The following MYO3B variants were observed in gnomAD, a reference collection of about 807,000 sequenced individuals.
MYO3B encodes the protein myosin-IIIb.
Under a neutral mutation model 174.6 loss-of-function variants are expected in MYO3B, and 156 were observed. The ratio of observed to expected loss-of-function variants is 0.89; its 90% CI spans 0.78 to 1.02. The LOEUF (loss-of-function observed/expected upper bound fraction) is 1.02. Ranked by LOEUF, MYO3B falls within the 50% of genes least tolerant of loss-of-function variation. MYO3B has a pLI of 0.00. For missense variants in MYO3B, 1,632 were observed against 1,639.4 expected, an observed-to-expected ratio of 1.00 and a Z score of 0.08; for synonymous variants, 563 against 569.1, an observed-to-expected ratio of 0.99 and a Z score of 0.15.
At chr2:170,475,068 C>T (rs1685236206) in intron 25 of MYO3B, among the ~76,000 whole-genome samples, 1 of 152,170 alleles carries the variant, frequency 6.6e-6, no homozygotes, top group African/African-American at 2.4e-5. Flanking sequence ...TCCAGCTCCA[C>T]TTCACTAAGG....
chr2:170,249,581 CA>C (rs963591954), intron 7 of MYO3B, among the ~76,000 whole-genome samples: 10 of 152,032 alleles, frequency 6.6e-5, no homozygotes, highest in Non-Finnish European at 1.3e-4. Flanking sequence ...TATTTCAAAT[CA>C]AAAAACAAGA....
At chr2:170,478,860 C>A (rs1685486865) in intron 25 of MYO3B, among the ~76,000 whole-genome samples, 1 of 138,378 alleles carries the variant, frequency 7.2e-6, no homozygotes, top group African/African-American at 2.7e-5. Flanking sequence ...ATGTAAGCCA[C>A]CATGCCTGGC....
chr2:170,214,431 G>T lies in MYO3B; in HGVS notation c.374G>T (p.Gly125Val). 1 of 1,614,206 alleles carries T rather than the reference G, an allele frequency of 6.2e-7. No homozygotes were observed. The highest frequency in any genetic ancestry group is 8.5e-7 in the Non-Finnish European group (1 of 1,180,018). ...CTTGTCAAAGGTCTACTCAGATGTG[G>T]CCAGCGGTTGGATGAAGCAATGATC... Reference protein sequence around the residue: ...TELVKGLLRCGQRLDEAMISY... With the variant: ...TELVKGLLRCVQRLDEAMISY... Residue 125 changes from glycine to valine, a missense_variant, in exon 4 of 35, where the codon GGC becomes GTC. Transcript: ENST00000408978.
intron 7 of MYO3B, among the ~76,000 whole-genome samples, chr2:170,241,660 T>C (rs1310223960): frequency 6.7e-6 from 1 of 148,454 alleles, no homozygotes; most frequent in Non-Finnish European, 1.5e-5. Flanking sequence ...AGGGTCTGGA[T>C]CCTTGTGGAC....
At chr2:170,549,464 CA>C (rs1429831737) in intron 32 of MYO3B, among the ~76,000 whole-genome samples, 1 of 152,148 alleles carries the variant, frequency 6.6e-6, no homozygotes, top group Admixed American at 6.5e-5. Flanking sequence ...AGCTCCTGAG[CA>C]AATCACACCA....
intron 28 of MYO3B, among the ~76,000 whole-genome samples, chr2:170,509,401 A>T (rs1205190402): frequency 6.6e-6 from 1 of 152,198 alleles, no homozygotes; most frequent in Non-Finnish European, 1.5e-5. Flanking sequence ...AGATGAAACA[A>T]TTTCTTTCAT....
chr2:170,360,126 C>T (rs904907462), intron 8 of MYO3B, among the ~76,000 whole-genome samples: 5 of 152,144 alleles, frequency 3.3e-5, no homozygotes, highest in Non-Finnish European at 5.9e-5. Flanking sequence ...TGATCATGCA[C>T]TGTGGAACAG....
intron 32 of MYO3B, among the ~76,000 whole-genome samples, chr2:170,583,444 G>A (rs150768284): frequency 6.6e-6 from 1 of 152,276 alleles, no homozygotes; most frequent in African/African-American, 2.4e-5. Context: ...GACAGGTCAA[G>A]GCTACGAGCT....
intron 29 of MYO3B, among the ~76,000 whole-genome samples, chr2:170,515,492 T>A (rs1485345600): frequency 6.6e-6 from 1 of 152,142 alleles, no homozygotes; most frequent in Admixed American, 6.5e-5. Context: ...GGACAAGAAG[T>A]GGAAACGTGG....
At chr2:170,377,240 A>T in intron 9 of MYO3B, among the ~76,000 whole-genome samples, 1 of 152,218 alleles carries the variant, frequency 6.6e-6, no homozygotes, top group East Asian at 1.9e-4. Flanking sequence ...ATTAAACTAG[A>T]GTGAAAGCTG....
intron 23 of MYO3B, among the ~76,000 whole-genome samples, chr2:170,448,286 A>T (rs1443803933): frequency 2.0e-5 from 3 of 152,242 alleles, no homozygotes; most frequent in African/African-American, 7.2e-5. Context: ...GTTAGAAGGA[A>T]GATGGAGTCA....
intron 8 of MYO3B, 26 bp from the exon 9 acceptor site, chr2:170,369,196 G>A (rs368705149): frequency 8.2e-5 from 131 of 1,606,478 alleles, no homozygotes; most frequent in Middle Eastern, 3.3e-4. Context: ...TTGTACTTTG[G>A]ATTGTTTGTT....
In MYO3B at chr2:170,498,594, A is replaced by G; in HGVS notation, c.3017A>G (p.Tyr1006Cys). 1.2e-6 allele frequency: 2 copies of G among 1,610,376 alleles called. No individual in the cohort carries two copies. The highest frequency in any genetic ancestry group is 1.7e-6 in the Non-Finnish European group (2 of 1,176,736). The part of the protein sequence containing the change: ...RILFEEFVKR[Y>C]YYLAFTAHQT... ...CACTTAATTCTTTTATTTTGCAGGT[A>G]TTATTACTTGGCATTCACAGCACAT... Residue 1006 changes from tyrosine (Y) to cysteine (C), a missense_variant and splice_region_variant, in exon 26 of 35, where the codon TAT becomes TGT. By Grantham distance (194) the Tyr-to-Cys change is radical (BLOSUM62 -2). Transcript: ENST00000408978.
At chr2:170,234,178 AAAAAAAAAACAAAACAAAAC>A (rs1157449946) in intron 6 of MYO3B, among the ~76,000 whole-genome samples, 6 of 71,472 alleles carry the variant, frequency 8.4e-5, no homozygotes, top group Admixed American at 7.0e-4. Flanking sequence ...CTCAAAAAAA[AAAAAAAAAACAAAACAAAAC>A]AAAAAAAAAA....
intron 17 of MYO3B, among the ~76,000 whole-genome samples, chr2:170,400,891 C>A (rs140158644): frequency 6.6e-6 from 1 of 151,024 alleles, no homozygotes; most frequent in African/African-American, 2.4e-5. Context: ...AGTGCAGTGG[C>A]GCTATCTCGG....
At chr2:170,425,495 TA>T (rs747651581) in intron 22 of MYO3B, among the ~76,000 whole-genome samples, 6 of 152,214 alleles carry the variant, frequency 3.9e-5, no homozygotes, top group Non-Finnish European at 7.3e-5. Context: ...AGTTTGAATT[TA>T]GTAGAGTGGT....
chr2:170,457,397 C>T (rs1010492511), intron 23 of MYO3B, among the ~76,000 whole-genome samples: 1 of 151,908 alleles, frequency 6.6e-6, no homozygotes, highest in Non-Finnish European at 1.5e-5. Context: ...TAACACTTAG[C>T]TTAAAACACA....
intron 24 of MYO3B, among the ~76,000 whole-genome samples, chr2:170,464,560 A>G (rs373636608): frequency 1.6e-4 from 25 of 152,188 alleles, no homozygotes; most frequent in African/African-American, 4.3e-4. Flanking sequence ...TAGCAGGTGC[A>G]GGGATCTAAA....
rs1031604565 is a variant in MYO3B at position 170,634,250 on chromosome 2, G to A, written c.3734-17378G>A. On this transcript the variant is annotated intron_variant, in intron 32 of 34. Transcript: ENST00000408978. ...AGGCTACAGTAACCAAAACAGCATG[G>A]TACTGGTACCAAAACAGAGATATAG... 9.8e-5 allele frequency among the ~76,000 whole-genome samples: 15 copies of A among 152,288 alleles called. 1 individual carries two copies. Among genetic ancestry groups the A allele is most frequent in the African/African-American group, 3.6e-4 (15 of 41,566 alleles).
Sources: gnomAD v4.1 joint callset for allele counts (sites outside exome capture counted in the v4.1 genomes callset) on GRCh38, gnomAD v4.1.1 for gene constraint, MANE v1.5 for transcripts, NCBI Gene and HGNC (gene_info 2026-07-23, HGNC 2026-07-21) for gene names.